Variants in FADS2 observed in about 807,000 individuals in gnomAD.
FADS2 encodes fatty acid desaturase 2, also known as acyl-CoA 6-desaturase.
In FADS2, 18 loss-of-function variants were observed where a neutral mutation model predicts 61.2. The observed-to-expected ratio is 0.29, with a 90% CI of 0.20 to 0.44. The LOEUF (loss-of-function observed/expected upper bound fraction) is 0.44, where lower values mean the gene tolerates loss of function less well. FADS2 is among the 20% of genes least tolerant of loss of function. The pLI, the probability that FADS2 is intolerant of heterozygous loss-of-function variation, is 1.00. For synonymous variants in FADS2, 203 were observed against 223.9 expected (o/e 0.91, Z 0.83); for missense variants, 322 against 572.7 (o/e 0.56, Z 4.47).
chr11:61,856,860 G>A, intron 5 of FADS2, 151 bp from the exon 6 acceptor site: 1 of 705,038 alleles, frequency 1.4e-6, no homozygotes, highest in Non-Finnish European at 2.5e-6. Flanking sequence ...GGGGCCCCAG[G>A]CTTGGTGGGC....
At chr11:61,833,818 T>G (rs1432385261) in intron 1 of FADS2, among the ~76,000 whole-genome samples, 1 of 152,188 alleles carries the variant, frequency 6.6e-6, no homozygotes, top group Non-Finnish European at 1.5e-5. Context: ...TGGTCATGAC[T>G]GCACAGTGGG....
chr11:61,855,829 T>A (rs1301341631), intron 5 of FADS2: 1 of 152,356 alleles, frequency 6.6e-6, no homozygotes, highest in Non-Finnish European at 1.5e-5. Flanking sequence ...TTTGACCTCC[T>A]GACTGCAATA....
intron 4 of FADS2, among the ~76,000 whole-genome samples, chr11:61,843,549 C>T (rs545277969): frequency 7.4e-4 from 112 of 152,324 alleles, no homozygotes; most frequent in African/African-American, 2.6e-3. Flanking sequence ...TAGGGTGAAA[C>T]AAGTAAGGCA....
intron 5 of FADS2, 82 bp from the exon 6 acceptor site, chr11:61,856,920 AGAAGGGATG>A: frequency 1.9e-6 from 2 of 1,025,720 alleles, no homozygotes; most frequent in Non-Finnish European, 1.6e-6. Context: ...CTGAGCAGAT[AGAAGGGATG>A]GTGGCTGCAG....
chr11:61,824,505 A>AG (rs1473419901), upstream of FADS2, among the ~76,000 whole-genome samples: 2 of 88,334 alleles, frequency 2.3e-5, no homozygotes, highest in African/African-American at 7.2e-5. Flanking sequence ...AAAGAAAGGA[A>AG]AGAAAGAAAG....
intron 10 of FADS2, 54 bp downstream of exon 10, chr11:61,863,840 C>T (rs770455390): frequency 1.2e-5 from 16 of 1,378,254 alleles, no homozygotes; most frequent in Middle Eastern, 1.8e-4. Context: ...GGGAAGTGGC[C>T]GCTATCCCAC....
intron 7 of FADS2, among the ~76,000 whole-genome samples, chr11:61,859,207 G>A (rs1235204174): frequency 2.6e-5 from 4 of 152,062 alleles, no homozygotes; most frequent in Non-Finnish European, 4.4e-5. Context: ...ACAGGCATGC[G>A]CCACCATGCC....
At position 61,857,439 on chromosome 11, in the gene FADS2, GTCTC is replaced by G. The variant is rs2067370520; in HGVS notation, c.806-10_806-7del. 6.2e-7 allele frequency: 1 copy of G among 1,612,766 alleles called. No homozygotes were observed. Among genetic ancestry groups the G allele is most frequent in the Non-Finnish European group, 8.5e-7 (1 of 1,179,230 alleles). On this transcript the variant is annotated splice_polypyrimidine_tract_variant and intron_variant, in intron 6 of 11. Transcript: ENST00000278840. ...GTGGAATGGATGCCTCTAAGCGCCT[GTCTC>G]TCTCCTGCAGTTGGGCCGCCGCTGC...
At chr11:61,848,866 G>A (rs527664191) in intron 5 of FADS2, 1 of 153,524 alleles carries the variant, frequency 6.5e-6, no homozygotes, top group Admixed American at 6.4e-5. Flanking sequence ...TTGAAGGTCA[G>A]CGAGAGGATG....
intron 5 of FADS2, among the ~76,000 whole-genome samples, chr11:61,852,729 C>A (rs1374953940): frequency 6.6e-6 from 1 of 152,132 alleles, no homozygotes; most frequent in Non-Finnish European, 1.5e-5. Flanking sequence ...GTTTGCATGG[C>A]CTTCCAATGA....
chr11:61,828,024 G>A, upstream of FADS2: 2 of 1,136,034 alleles, frequency 1.8e-6, no homozygotes, highest in Non-Finnish European at 2.2e-6. This position sits in a 1 kb window ranked among gnomAD's most constrained non-coding sequence, Gnocchi z 6.4. Flanking sequence ...GGGGAACGCG[G>A]GAGGATGTGG....
intron 1 of FADS2, among the ~76,000 whole-genome samples, chr11:61,834,761 G>A (rs1445831856): frequency 6.6e-6 from 1 of 152,092 alleles, no homozygotes; most frequent in Non-Finnish European, 1.5e-5. Context: ...CTCAAAGGCC[G>A]TGGTGTGATG....
rs1383218932 is a variant in FADS2, at chr11:61,816,963, C to G, written c.141+537C>G. 7.3e-7 allele frequency: 1 copy of G among 1,371,988 alleles called. No individual in the cohort carries two copies. Among genetic ancestry groups the G allele is most frequent in the Non-Finnish European group, 9.3e-7 (1 of 1,070,886 alleles). The allele number at this position is 1,371,988 out of a possible 1,614,324, so 85.0% of individuals were successfully genotyped here. On this transcript the variant is annotated intron_variant, in intron 1 of 11. Transcript: ENST00000257261. The surrounding 1 kb of genome is among the most constrained non-coding windows in gnomAD (Gnocchi z 7.0). ...CCTCGTGGCGCGGGGAGCGAGATCC[C>G]GTCCCCCGGTGGGTCTTGGGCAACT...
At chr11:61,836,760 C>G (rs922949177) in intron 1 of FADS2, among the ~76,000 whole-genome samples, 2 of 152,178 alleles carry the variant, frequency 1.3e-5, no homozygotes, top group African/African-American at 4.8e-5. Context: ...ATGTTTTTCC[C>G]CAGCTATATT....
chr11:61,831,162 G>A (rs1288267621), intron 1 of FADS2, among the ~76,000 whole-genome samples: 5 of 152,070 alleles, frequency 3.3e-5, no homozygotes, highest in Non-Finnish European at 5.9e-5. Context: ...GGGTGGGTGG[G>A]GCATGTGGAA....
chr11:61,829,280 G>A (rs1461512574), intron 1 of FADS2: 1 of 152,292 alleles, frequency 6.6e-6, no homozygotes, highest in Non-Finnish European at 1.5e-5. Flanking sequence ...GCAAAGCCCA[G>A]GTCGAGTGAG....
At chr11:61,851,959 T>C (rs867626982) in intron 5 of FADS2, among the ~76,000 whole-genome samples, 1 of 152,374 alleles carries the variant, frequency 6.6e-6, no homozygotes, top group Admixed American at 6.5e-5. Context: ...TTCAGTTCTT[T>C]AAGGTTTTGT....
At chr11:61,848,397 G>A (rs1191368234) in intron 5 of FADS2, 113 bp downstream of exon 5, 3 of 1,534,178 alleles carry the variant, frequency 2.0e-6, no homozygotes, top group South Asian at 2.4e-5. Context: ...TGGCCTGGGC[G>A]AATGGCAGCC....
At chr11:61,820,954 A>C (rs371302268) in intron 1 of FADS2, among the ~76,000 whole-genome samples, 13 of 152,178 alleles carry the variant, frequency 8.5e-5, no homozygotes, top group African/African-American at 2.9e-4. Context: ...TTCAACCTGA[A>C]AAAATACAGG....
Sources: allele counts gnomAD v4.1 joint callset (sites outside exome capture counted in the v4.1 genomes callset), GRCh38; gene constraint gnomAD v4.1.1; non-coding constraint Gnocchi (gnomAD v3.1); transcripts MANE v1.5; gene names NCBI Gene and HGNC (gene_info 2026-07-23, HGNC 2026-07-21).